RGS9: variants seen among roughly 807,000 people sequenced by gnomAD.
RGS9 encodes the protein regulator of G protein signaling 9.
A neutral mutation model predicts 102.0 loss-of-function variants in RGS9; 78 were observed. The ratio of observed to expected loss-of-function variants is 0.76; its 90% CI spans 0.64 to 0.92. The LOEUF is 0.92. Among genes scored for constraint, RGS9 ranks in the 40% least tolerant of loss-of-function variants. The probability of loss-of-function intolerance (pLI) is 0.00; values close to 1 mark genes in which losing one functional copy is unlikely to be tolerated. For synonymous variants in RGS9, 353 were observed against 318.6 expected (o/e 1.11, Z -1.15); for missense variants, 833 against 866.1 (o/e 0.96, Z 0.48).
Position 65,193,641 on chromosome 17 carries a change from A to G in RGS9, c.845A>G (p.Asp282Gly). The change falls in exon 12 of 19, where the codon GAC becomes GGC. Residue 282 changes from aspartate (D) to glycine (G), a missense_variant. Around this residue, in one of 3 missense-constraint regions of RGS9, gnomAD observed 185 missense variants for 248.7 expected, o/e 0.74. Transcript: ENST00000262406. ...ATCACCGATGACACCCAGTTCTGGG[A>G]CTTAAATGCCAAATTGTATGTATTT... ...PWITDDTQFW[D>G]LNAKLVEIPT... The G allele has an allele frequency of 6.2e-7, 1 of 1,609,566 alleles. No homozygotes were observed. Among genetic ancestry groups the G allele is most frequent in the South Asian group, 1.1e-5 (1 of 90,988 alleles).
intron 1 of RGS9, among the ~76,000 whole-genome samples, chr17:65,139,108 C>CCCCCCCTCCCCCA (rs1910045367): frequency 2.4e-5 from 1 of 40,872 alleles, no homozygotes. Context: ...GCTCTCCCCC[C>CCCCCCCTCCCCCA]TCCACCCCAC....
At chr17:65,210,735 A>T in intron 17 of RGS9, 130 bp downstream of exon 17, 1 of 1,487,572 alleles carries the variant, frequency 6.7e-7, no homozygotes, top group South Asian at 1.2e-5. Flanking sequence ...AGAGTCTAGA[A>T]GGTTCCATTC....
At chr17:65,179,984 C>T (rs1380152319) in intron 9 of RGS9, 1 of 152,342 alleles carries the variant, frequency 6.6e-6, no homozygotes, top group Admixed American at 6.6e-5. Context: ...CTCTCTCTCT[C>T]TCTCTTCCCA....
chr17:65,161,708 ATATTTATT>A (rs3034082), intron 6 of RGS9, among the ~76,000 whole-genome samples: 1,830 of 137,296 alleles, frequency 0.013, 28 homozygotes, highest in African/African-American at 0.058. Flanking sequence ...TTTTATTTAT[ATATTTATT>A]TATTTATTTA....
chr17:65,175,188 T>G (rs947247679), intron 8 of RGS9, among the ~76,000 whole-genome samples: 49 of 151,906 alleles, frequency 3.2e-4, no homozygotes, highest in African/African-American at 1.2e-3. Context: ...TATGTGAGCA[T>G]GCGTGTGTGA....
intron 8 of RGS9, among the ~76,000 whole-genome samples, chr17:65,174,584 T>C (rs1399202517): frequency 2.0e-5 from 3 of 151,180 alleles, no homozygotes; most frequent in Non-Finnish European, 2.9e-5. Flanking sequence ...AGTGTGCATA[T>C]GTATATGTGA....
At chr17:65,160,722 C>T in intron 5 of RGS9, 129 bp from the exon 6 acceptor site, 2 of 1,393,604 alleles carry the variant, frequency 1.4e-6, no homozygotes, top group Admixed American at 1.8e-5. Flanking sequence ...GGCATGTCCC[C>T]AGGGGCAAGG....
At chr17:65,214,330 T>A (rs1365230217) in intron 17 of RGS9, among the ~76,000 whole-genome samples, 1 of 152,184 alleles carries the variant, frequency 6.6e-6, no homozygotes, top group Non-Finnish European at 1.5e-5. Flanking sequence ...GATACAAAAA[T>A]GAACAAAATG....
At chr17:65,209,696 G>C (rs997030244) in intron 16 of RGS9, among the ~76,000 whole-genome samples, 1 of 152,192 alleles carries the variant, frequency 6.6e-6, no homozygotes, top group Non-Finnish European at 1.5e-5. Context: ...CCCTCTTCAG[G>C]CCTCTTCCCT....
chr17:65,151,598 A>T (rs975118888), intron 1 of RGS9, among the ~76,000 whole-genome samples: 2 of 152,056 alleles, frequency 1.3e-5, no homozygotes, highest in African/African-American at 2.4e-5. Flanking sequence ...GTCATTTCCA[A>T]TCACCTCCCA....
At chr17:65,192,091 T>C (rs1034843243) in intron 11 of RGS9, among the ~76,000 whole-genome samples, 1 of 152,222 alleles carries the variant, frequency 6.6e-6, no homozygotes, top group Non-Finnish European at 1.5e-5. Context: ...AATTGACACA[T>C]AATTGTACAT....
intron 9 of RGS9, among the ~76,000 whole-genome samples, chr17:65,183,111 C>CTATCTATCCATCTAT (rs1360431205): frequency 1.3e-5 from 1 of 78,298 alleles, no homozygotes; most frequent in African/African-American, 1.4e-4. Context: ...TATCTATCTA[C>CTATCTATCCATCTAT]CTACCTACCT....
chr17:65,202,911 A>G (rs1190950110), intron 14 of RGS9, among the ~76,000 whole-genome samples: 1 of 152,108 alleles, frequency 6.6e-6, no homozygotes, highest in African/African-American at 2.4e-5. Flanking sequence ...TGCAGTGGAC[A>G]TGAGTCCTGG....
intron 17 of RGS9, among the ~76,000 whole-genome samples, chr17:65,213,604 T>A (rs1455146005): frequency 6.6e-6 from 1 of 151,946 alleles, no homozygotes; most frequent in African/African-American, 2.4e-5. Flanking sequence ...ATCGCATGCA[T>A]TGTGGCTTCT....
In RGS9 at chr17:65,215,493, T is replaced by TTTCG. The variant is rs200877324; in HGVS notation, c.1407+4892_1407+4895dup. The stretch of plus-strand genomic sequence containing the variant: ...TTCTTTCTCTATCTTTCTTTCGTTC[T>TTTCG]TTCGTTCTTTCTTTCTTTCTTTCTT... On this transcript the variant is annotated intron_variant, in intron 17 of 18. Coordinates refer to ENST00000262406, the MANE Select transcript of RGS9 (RefSeq NM_003835.4). 3.2e-3 allele frequency among the ~76,000 whole-genome samples: 367 copies of TTTCG among 115,678 alleles called. 2 individuals carry two copies. Among genetic ancestry groups the TTTCG allele is most frequent in the Non-Finnish European group, 5.6e-3 (322 of 57,680 alleles). 75.9% of individuals were successfully genotyped at this position (115,678 alleles called of 152,430 possible). A position where few individuals can be genotyped will look rare whatever the true frequency, so the allele number is the denominator to read the frequency against.
chr17:65,161,813 G>A lies in RGS9; in HGVS notation c.423+904G>A, dbSNP rs139346608. On this transcript the variant is annotated intron_variant, in intron 6 of 18. Transcript: ENST00000262406. ...CGGCTCACTGCAACTTCTGTCTCCT[G>A]GGCTCAAGCCTCAGCCTCCCAAGCA... 6.1e-4 allele frequency among the ~76,000 whole-genome samples: 93 copies of A among 151,658 alleles called. 1 individual carries two copies. In the East Asian group the frequency reaches 0.016, roughly 27 times the overall value.
intron 12 of RGS9, among the ~76,000 whole-genome samples, chr17:65,194,211 C>T (rs1912494464): frequency 6.6e-6 from 1 of 152,174 alleles, no homozygotes; most frequent in Non-Finnish European, 1.5e-5. Flanking sequence ...GTTTACGAAT[C>T]TTGTAGCATG....
At chr17:65,195,397 A>G (rs1170091605) in intron 12 of RGS9, among the ~76,000 whole-genome samples, 1 of 152,206 alleles carries the variant, frequency 6.6e-6, no homozygotes, top group East Asian at 1.9e-4. Flanking sequence ...ACTCCCCATT[A>G]AAGTGGGAAG....
At position 65,160,222 on chromosome 17, in the gene RGS9, G is replaced by C. The variant is rs1163007651; in HGVS notation, c.206-11G>C. 4 of 1,604,824 alleles carry C rather than the reference G, an allele frequency of 2.5e-6. No homozygotes were observed. The highest frequency in any genetic ancestry group is 2.7e-5 in the African/African-American group (2 of 74,696). On this transcript the variant is annotated splice_polypyrimidine_tract_variant and intron_variant, in intron 3 of 18. Coordinates refer to ENST00000262406, the MANE Select transcript of RGS9 (RefSeq NM_003835.4). ...TGCTCTTAACATCCATGTCTGAACT[G>C]CTTTTCCCAGAGGCACAGAACTTGG... is the stretch of plus-strand genomic sequence containing the variant.
Sources: allele counts gnomAD v4.1 joint callset (sites outside exome capture counted in the v4.1 genomes callset), GRCh38; gene constraint gnomAD v4.1.1; regional missense constraint gnomAD v4.1.1; transcripts MANE v1.5; gene names NCBI Gene and HGNC (gene_info 2026-07-23, HGNC 2026-07-21).